SH3GL3: variants seen among roughly 807,000 people sequenced by gnomAD.
The protein encoded by SH3GL3 is endophilin-A3.
A neutral mutation model predicts 47.7 loss-of-function variants in SH3GL3; 33 were observed. The ratio of observed to expected loss-of-function variants is 0.69; its 90% CI spans 0.52 to 0.92. SH3GL3 has a LOEUF of 0.92. SH3GL3 is among the 40% of genes least tolerant of loss of function. The probability of loss-of-function intolerance (pLI) is 0.00; values close to 1 mark genes in which losing one functional copy is unlikely to be tolerated. For missense variants in SH3GL3, 363 were observed against 417.8 expected (o/e 0.87, Z 1.14); for synonymous variants, 155 against 148.8 (o/e 1.04, Z -0.30).
intron 1 of SH3GL3, among the ~76,000 whole-genome samples, chr15:83,463,373 C>G (rs2040399735): frequency 6.6e-6 from 1 of 151,756 alleles, no homozygotes; most frequent in Non-Finnish European, 1.5e-5. Context: ...TCTTTCCAAG[C>G]AGCTTACATG....
intron 8 of SH3GL3, among the ~76,000 whole-genome samples, chr15:83,595,997 T>C (rs529120440): frequency 1.5e-3 from 222 of 152,312 alleles, no homozygotes; most frequent in Non-Finnish European, 2.5e-3. Flanking sequence ...TTTTCCGATA[T>C]ATGTGTTTAG....
At chr15:83,461,772 C>A (rs190356193) in intron 1 of SH3GL3, among the ~76,000 whole-genome samples, 4 of 152,066 alleles carry the variant, frequency 2.6e-5, no homozygotes, top group South Asian at 2.1e-4. Context: ...CTTGATTTGG[C>A]CTTCTTGCTT....
intron 1 of SH3GL3, among the ~76,000 whole-genome samples, chr15:83,546,294 C>T (rs910298487): frequency 3.9e-5 from 6 of 152,052 alleles, no homozygotes; most frequent in Non-Finnish European, 5.9e-5. Context: ...GAAGGAGTCT[C>T]TGCCCAGACA....
intron 1 of SH3GL3, among the ~76,000 whole-genome samples, chr15:83,475,734 T>C (rs1375226040): frequency 1.3e-5 from 2 of 152,236 alleles, no homozygotes; most frequent in Non-Finnish European, 2.9e-5. Flanking sequence ...CTTGCATTCT[T>C]TTCTCATGAC....
intron 1 of SH3GL3, among the ~76,000 whole-genome samples, chr15:83,527,354 C>A (rs1206794160): frequency 6.6e-6 from 1 of 152,064 alleles, no homozygotes; most frequent in Non-Finnish European, 1.5e-5. Context: ...CTAACTCTCC[C>A]TTTAGATATA....
At chr15:83,486,312 G>A (rs1197049262) in intron 1 of SH3GL3, among the ~76,000 whole-genome samples, 1 of 152,102 alleles carries the variant, frequency 6.6e-6, no homozygotes, top group Non-Finnish European at 1.5e-5. Context: ...TAGTCACAGT[G>A]TTGTACAATG....
chr15:83,632,302 G>T, the SH3GL3 span, among the ~76,000 whole-genome samples: 1 of 152,100 alleles, frequency 6.6e-6, no homozygotes, highest in African/African-American at 2.4e-5. Flanking sequence ...TTCCAAAATT[G>T]CTTCCACATT....
chr15:83,459,301 C>T (rs1022505950), intron 1 of SH3GL3, among the ~76,000 whole-genome samples: 3 of 152,234 alleles, frequency 2.0e-5, no homozygotes, highest in Non-Finnish European at 4.4e-5. Flanking sequence ...CCTTTAGCAA[C>T]ACCCTTACAG....
At chr15:83,606,778 A>G (rs1465901352) in intron 8 of SH3GL3, among the ~76,000 whole-genome samples, 1 of 152,218 alleles carries the variant, frequency 6.6e-6, no homozygotes, top group African/African-American at 2.4e-5. Context: ...TCCTAGAGGA[A>G]GTGATTGGAC....
chr15:83,570,593 A>G (rs1032887221), intron 4 of SH3GL3, among the ~76,000 whole-genome samples: 4 of 152,352 alleles, frequency 2.6e-5, no homozygotes, highest in Non-Finnish European at 4.4e-5. Context: ...TAATATATTA[A>G]GTATTCCCAA....
intron 1 of SH3GL3, among the ~76,000 whole-genome samples, chr15:83,544,144 A>T (rs990465638): frequency 2.6e-5 from 4 of 151,766 alleles, no homozygotes; most frequent in African/African-American, 9.7e-5. Flanking sequence ...GTAGGGGCTT[A>T]TTGCTATAAA....
intron 6 of SH3GL3, 127 bp downstream of exon 6, chr15:83,576,868 C>A: frequency 5.0e-5 from 22 of 435,840 alleles, no homozygotes; most frequent in Middle Eastern, 7.0e-4. Context: ...CTGGGCCACA[C>A]ATAAAATACA....
intron 8 of SH3GL3, among the ~76,000 whole-genome samples, chr15:83,592,641 C>T (rs1567020818): frequency 6.6e-6 from 1 of 152,242 alleles, no homozygotes; most frequent in Non-Finnish European, 1.5e-5. Context: ...TCTACCCCTT[C>T]TGTTCTTAAG....
At chr15:83,545,134 T>G (rs2044336254) in intron 1 of SH3GL3, among the ~76,000 whole-genome samples, 1 of 152,212 alleles carries the variant, frequency 6.6e-6, no homozygotes, top group South Asian at 2.1e-4. Flanking sequence ...ATTCTCTACC[T>G]CCTCTTTAAG....
chr15:83,549,402 G>C (rs905357394), intron 1 of SH3GL3, among the ~76,000 whole-genome samples: 1 of 152,144 alleles, frequency 6.6e-6, no homozygotes, highest in African/African-American at 2.4e-5. Context: ...GAGGGTAAAG[G>C]CTTGTAACCT....
chr15:83,481,340 T>G lies in SH3GL3; in HGVS notation c.45+33762T>G, dbSNP rs566143720. Among the ~76,000 whole-genome samples the G allele has an allele frequency of 2.6e-5, 4 of 152,078 alleles. No homozygotes were observed. In the South Asian group the frequency reaches 6.2e-4, roughly 24 times the overall value. On this transcript the variant is annotated intron_variant, in intron 1 of 8. Transcript: ENST00000427482. ...GAGCGGAAACATGCTGAAATAATTATTTGCTGAAATTGTTTTCCAACAGAT... is the reference window on the plus strand; with the variant it reads ...GAGCGGAAACATGCTGAAATAATTAGTTGCTGAAATTGTTTTCCAACAGAT...
intron 7 of SH3GL3, 75 bp downstream of exon 7, chr15:83,587,161 C>T (rs1355735606): frequency 1.4e-6 from 1 of 713,032 alleles, no homozygotes; most frequent in African/African-American, 1.8e-5. Context: ...GTCTGTCTCT[C>T]CATCTCTCCA....
intron 1 of SH3GL3, among the ~76,000 whole-genome samples, chr15:83,550,162 C>T (rs2044590533): frequency 6.6e-6 from 1 of 152,146 alleles, no homozygotes; most frequent in Non-Finnish European, 1.5e-5. Flanking sequence ...TTGCCATGTT[C>T]TCCAAGCTGA....
intron 5 of SH3GL3, among the ~76,000 whole-genome samples, chr15:83,575,093 G>A (rs1242567113): frequency 6.6e-6 from 1 of 152,124 alleles, no homozygotes; most frequent in African/African-American, 2.4e-5. Context: ...AGGTGTATAT[G>A]TTGGTGGGGT....
Sources: gnomAD v4.1 joint callset for allele counts (sites outside exome capture counted in the v4.1 genomes callset) on GRCh38, gnomAD v4.1.1 for gene constraint, MANE v1.5 for transcripts, NCBI Gene and HGNC (gene_info 2026-07-23, HGNC 2026-07-21) for gene names.